Variants in SNX8 observed in about 807,000 individuals in gnomAD.
SNX8 encodes the protein sorting nexin 8.
A neutral mutation model predicts 51.6 loss-of-function variants in SNX8; 25 were observed. The observed-to-expected ratio is 0.48, with a 90% CI of 0.35 to 0.68. The LOEUF (loss-of-function observed/expected upper bound fraction) is 0.68. Among genes scored for constraint, SNX8 ranks in the 30% least tolerant of loss-of-function variants. The pLI is 0.00. For synonymous variants in SNX8, 324 were observed against 277.0 expected (o/e 1.17, Z -1.68); for missense variants, 695 against 624.0 (o/e 1.11, Z -1.21).
intron 1 of SNX8, among the ~76,000 whole-genome samples, chr7:2,291,272 C>A (rs575150033): frequency 1.3e-5 from 2 of 152,020 alleles, no homozygotes; most frequent in South Asian, 4.2e-4. Flanking sequence ...TGCAGTCTAG[C>A]CTGGGGAGCA....
intron 3 of SNX8, among the ~76,000 whole-genome samples, chr7:2,274,781 CCTCTCGGGAG>C (rs936835386): frequency 1.4e-4 from 22 of 152,122 alleles, no homozygotes; most frequent in Non-Finnish European, 2.8e-4. Flanking sequence ...TCCTGGCAGC[CCTCTCGGGAG>C]CTCTCGGGAG....
intron 1 of SNX8, among the ~76,000 whole-genome samples, chr7:2,352,155 G>A (rs551075714): frequency 3.6e-4 from 55 of 151,906 alleles, no homozygotes; most frequent in African/African-American, 1.2e-3. Flanking sequence ...TAATGCATCC[G>A]CCCACCTTGG....
In SNX8 at chr7:2,255,023, C is replaced by T. The variant is rs374900557; in HGVS notation, c.*33G>A. On this transcript the variant is annotated 3_prime_UTR_variant, in exon 11 of 11. Transcript: ENST00000222990. ...CACCGTTTGGAAAGAGGTTTTAGTG[C>T]GGCCGCAGGGAGCACCACCTCAGCC... The T allele has an allele frequency of 9.4e-6, 13 of 1,389,304 alleles. No homozygotes were observed. The South Asian group carries it at 9.9e-5, about 11-fold the overall frequency. 86.1% of individuals were successfully genotyped at this position (1,389,304 alleles called of 1,614,324 possible).
At chr7:2,290,894 C>T (rs1393113866) in intron 1 of SNX8, among the ~76,000 whole-genome samples, 1 of 152,234 alleles carries the variant, frequency 6.6e-6, no homozygotes, top group African/African-American at 2.4e-5. Context: ...AGGAGGAACC[C>T]AGGTGAGGAA....
chr7:2,298,554 G>C (rs1796322976), intron 1 of SNX8, among the ~76,000 whole-genome samples: 1 of 151,564 alleles, frequency 6.6e-6, no homozygotes, highest in South Asian at 2.1e-4. Context: ...ATTTTTAGTA[G>C]AGACGGGGTT....
chr7:2,262,399 C>T (rs1027992733), intron 7 of SNX8, among the ~76,000 whole-genome samples: 1 of 152,164 alleles, frequency 6.6e-6, no homozygotes, highest in Non-Finnish European at 1.5e-5. Flanking sequence ...TGATAGTAAA[C>T]ACCGTATCTT....
At chr7:2,279,676 C>T (rs772125653) in intron 1 of SNX8, among the ~76,000 whole-genome samples, 9 of 149,088 alleles carry the variant, frequency 6.0e-5, no homozygotes, top group Non-Finnish European at 1.3e-4. Context: ...CACCTGAGTC[C>T]GGGAAGGCGG....
chr7:2,295,575 G>A (rs1416317462), intron 1 of SNX8, among the ~76,000 whole-genome samples: 1 of 146,694 alleles, frequency 6.8e-6, no homozygotes, highest in Non-Finnish European at 1.5e-5. Context: ...CATGGTGGCA[G>A]GCGCCTGTAA....
At chr7:2,312,101 A>G (rs990867604) in intron 1 of SNX8, among the ~76,000 whole-genome samples, 2 of 151,770 alleles carry the variant, frequency 1.3e-5, no homozygotes, top group Non-Finnish European at 2.9e-5. Context: ...TGTCCCAGCA[A>G]CCCCCATCTG....
intron 1 of SNX8, among the ~76,000 whole-genome samples, chr7:2,339,576 A>C (rs1026754047): frequency 6.6e-6 from 1 of 152,180 alleles, no homozygotes; most frequent in Non-Finnish European, 1.5e-5. Flanking sequence ...ATATATCTAA[A>C]GTGACAATTG....
chr7:2,344,428 G>A (rs1165920522), intron 1 of SNX8, among the ~76,000 whole-genome samples: 10 of 150,162 alleles, frequency 6.7e-5, no homozygotes, highest in Non-Finnish European at 1.5e-4. Context: ...TGGCTGAGAT[G>A]GTGAAACCCC....
chr7:2,313,179 G>C (rs779844745), intron 1 of SNX8, among the ~76,000 whole-genome samples: 1 of 151,846 alleles, frequency 6.6e-6, no homozygotes, highest in Non-Finnish European at 1.5e-5. Context: ...GATTACAAGC[G>C]TGAGCCACCG....
rs1795579801 is a variant in SNX8, at chr7:2,269,319, G to A, written c.621+240C>T. Among the ~76,000 whole-genome samples, 3 of 151,022 alleles carry A rather than the reference G, an allele frequency of 2.0e-5. No homozygotes were observed. The South Asian group carries it at 6.3e-4, about 32-fold the overall frequency. On this transcript the variant is annotated intron_variant, in intron 5 of 10. Coordinates refer to ENST00000222990, the MANE Select transcript of SNX8 (RefSeq NM_013321.4). ...TTAAACAGATGCTTGAAGGCAGCAT[G>A]CTCGTTAAGAGTCATCACCACTCCC... is the stretch of plus-strand genomic sequence containing the variant.
At chr7:2,270,462 A>C (rs778039229) in intron 4 of SNX8, among the ~76,000 whole-genome samples, 5 of 151,876 alleles carry the variant, frequency 3.3e-5, no homozygotes, top group African/African-American at 4.8e-5. Flanking sequence ...CCCCATCTCT[A>C]AAAACAGAAA....
chr7:2,352,228 AATAAGGACATCAATCACTG>A (rs1779159067), intron 1 of SNX8, among the ~76,000 whole-genome samples: 1 of 152,024 alleles, frequency 6.6e-6, no homozygotes, highest in Non-Finnish European at 1.5e-5. Context: ...TCCTTCTTCT[AATAAGGACATCAATCACTG>A]ATTTAGGGTC....
rs1054486523 is a variant in SNX8 at position 2,264,293 on chromosome 7, C to G, written c.782+5G>C. On this transcript the variant is annotated splice_donor_5th_base_variant and intron_variant, in intron 6 of 10. Coordinates refer to ENST00000222990, the MANE Select transcript of SNX8 (RefSeq NM_013321.4). The stretch of plus-strand genomic sequence containing the variant: ...TGCCCCTGCAGAAGCTGAAAGGTCA[C>G]CTACCTTAGCTCCTTCCCGAATATG... 1 of 1,604,704 alleles carries G rather than the reference C, an allele frequency of 6.2e-7. No homozygotes were observed.
At chr7:2,319,196 G>A (rs532875317), upstream of SNX8, among the ~76,000 whole-genome samples, 30 of 151,794 alleles carry the variant, frequency 2.0e-4, no homozygotes, top group African/African-American at 7.2e-4. Flanking sequence ...AAACTTAGCC[G>A]GGTGTTGTGG....
intron 1 of SNX8, among the ~76,000 whole-genome samples, chr7:2,330,911 G>A (rs770019194): frequency 1.3e-5 from 2 of 152,076 alleles, no homozygotes; most frequent in African/African-American, 4.8e-5. Flanking sequence ...GACACCGGGC[G>A]CGGTGGCTCA....
intron 1 of SNX8, among the ~76,000 whole-genome samples, chr7:2,350,848 T>C (rs1384628332): frequency 2.0e-5 from 3 of 152,088 alleles, no homozygotes; most frequent in East Asian, 3.9e-4. Flanking sequence ...GGTTTCACCA[T>C]GTTGGCCAGG....
Sources: allele counts gnomAD v4.1 joint callset (sites outside exome capture counted in the v4.1 genomes callset), GRCh38; gene constraint gnomAD v4.1.1; transcripts MANE v1.5; gene names NCBI Gene and HGNC (gene_info 2026-07-23, HGNC 2026-07-21).